Variants in COX16 observed in about 807,000 individuals in gnomAD.
COX16 encodes the protein cytochrome c oxidase assembly factor COX16, also known as cytochrome c oxidase assembly protein COX16 homolog, mitochondrial.
COX16 carries 12 observed loss-of-function variants against 15.4 expected under a neutral mutation model. The ratio of observed to expected loss-of-function variants is 0.78; its 90% confidence interval spans 0.50 to 1.26. The LOEUF (loss-of-function observed/expected upper bound fraction) is 1.26. COX16 is among the 50% of genes most tolerant of loss of function. The probability of loss-of-function intolerance (pLI) is 0.00; values close to 1 mark genes in which losing one functional copy is unlikely to be tolerated. For synonymous variants in COX16, 46 were observed against 41.1 expected (o/e 1.12, Z -0.46); for missense variants, 124 against 127.6 (o/e 0.97, Z 0.14).
At chr14:70,330,613 C>T (rs1164441338) in intron 2 of COX16, among the ~76,000 whole-genome samples, 1 of 152,102 alleles carries the variant, frequency 6.6e-6, no homozygotes. Flanking sequence ...GACAGCATAC[C>T]ATGATCAAGT....
At chr14:70,334,578 A>G (rs1886390567) in intron 2 of COX16, among the ~76,000 whole-genome samples, 1 of 152,282 alleles carries the variant, frequency 6.6e-6, no homozygotes, top group South Asian at 2.1e-4. Flanking sequence ...GTTAATGTGT[A>G]TAGGTTTTTA....
At chr14:70,339,401 T>G (rs1886557333) in intron 2 of COX16, among the ~76,000 whole-genome samples, 1 of 152,122 alleles carries the variant, frequency 6.6e-6, no homozygotes, top group Admixed American at 6.5e-5. Flanking sequence ...GAAGCAAGAT[T>G]TTTTTTTCCT....
chr14:70,341,042 A>G (rs575712078), intron 2 of COX16, among the ~76,000 whole-genome samples: 3 of 152,198 alleles, frequency 2.0e-5, no homozygotes, highest in Non-Finnish European at 4.4e-5. Context: ...TCTAACAAGT[A>G]TTAACACATG....
Position 70,326,360 on chromosome 14 carries a change from T to C in COX16, c.294A>G (p.Pro98=). The C allele has an allele frequency of 6.4e-7, 1 of 1,574,518 alleles. No individual in the cohort carries two copies. Among genetic ancestry groups the C allele is most frequent in the Non-Finnish European group, 8.6e-7 (1 of 1,160,398 alleles). Residue 98 remains proline, a synonymous_variant, in exon 4 of 4, where the codon CCA becomes CCG. Coordinates refer to ENST00000389912, the MANE Select transcript of COX16 (RefSeq NM_016468.7). ...AAGTTGTCTTAGTCTTAAGGCTTTC[T>C]GGATTTCTTCCTTGGAGGAGGTCAG... ...EDPDLLQGRN[P]ESLKTKTT
chr14:70,356,466 G>A (rs574348408), intron 1 of COX16, among the ~76,000 whole-genome samples: 1 of 152,226 alleles, frequency 6.6e-6, no homozygotes, highest in South Asian at 2.1e-4. Flanking sequence ...CCAGTCCGTG[G>A]CCCAGGGGTT....
intron 1 of COX16, among the ~76,000 whole-genome samples, chr14:70,354,063 A>G (rs1322881284): frequency 6.6e-6 from 1 of 152,026 alleles, no homozygotes; most frequent in Non-Finnish European, 1.5e-5. Context: ...TGTAATCCCA[A>G]CTACGCCGGA....
At chr14:70,335,065 A>G (rs2140698561) in intron 2 of COX16, among the ~76,000 whole-genome samples, 1 of 152,318 alleles carries the variant, frequency 6.6e-6, no homozygotes, top group Non-Finnish European at 1.5e-5. Context: ...TACTTATATC[A>G]GATAAAATAG....
intron 1 of COX16, among the ~76,000 whole-genome samples, chr14:70,346,639 G>A (rs187109781): frequency 1.1e-3 from 171 of 152,260 alleles, no homozygotes; most frequent in African/African-American, 3.9e-3. Context: ...CGCTTCATCC[G>A]AGCCAAGGGT....
intron 1 of COX16, among the ~76,000 whole-genome samples, chr14:70,351,186 ACT>A (rs1385282797): frequency 3.3e-5 from 5 of 152,058 alleles, no homozygotes; most frequent in Non-Finnish European, 5.9e-5. Context: ...CAATATAACC[ACT>A]GTTTCCAACT....
chr14:70,330,341 C>A (rs560196158), intron 2 of COX16, among the ~76,000 whole-genome samples: 2 of 152,154 alleles, frequency 1.3e-5, no homozygotes, highest in Admixed American at 1.3e-4. Context: ...AATAGACAAC[C>A]TGAATAGTTT....
intron 1 of COX16, among the ~76,000 whole-genome samples, chr14:70,353,178 T>C (rs1401260963): frequency 2.0e-5 from 3 of 150,666 alleles, no homozygotes; most frequent in Admixed American, 2.0e-4. Flanking sequence ...GGAGAATCGC[T>C]TGAATCTGGG....
At chr14:70,332,526 C>T (rs112561196) in intron 2 of COX16, among the ~76,000 whole-genome samples, 34 of 152,158 alleles carry the variant, frequency 2.2e-4, no homozygotes, top group African/African-American at 8.2e-4. Context: ...CCTCTCCTGC[C>T]ACAGTTGGGG....
Position 70,326,358 on chromosome 14 carries a change from T to C in COX16, c.296A>G (p.Glu99Gly). The C allele has an allele frequency of 6.4e-7, 1 of 1,572,948 alleles. No homozygotes were observed. Among genetic ancestry groups the C allele is most frequent in the Non-Finnish European group, 8.6e-7 (1 of 1,159,506 alleles). Residue 99 changes from glutamate to glycine, a missense_variant, in exon 4 of 4, where the codon GAA becomes GGA. Physicochemically the swap from Glu to Gly is moderately conservative, Grantham distance 98 (BLOSUM62 -2). Transcript: ENST00000389912. ...TCAAGTTGTCTTAGTCTTAAGGCTT[T>C]CTGGATTTCTTCCTTGGAGGAGGTC... ...DPDLLQGRNP[E>G]SLKTKTT
intron 3 of COX16, 140 bp downstream of exon 3, chr14:70,329,034 T>C (rs1020518466): frequency 1.6e-6 from 1 of 606,426 alleles, no homozygotes. Flanking sequence ...TCCATCTTTT[T>C]ATTTGCTTTT....
intron 1 of COX16, among the ~76,000 whole-genome samples, chr14:70,356,139 C>T (rs1887117502): frequency 6.9e-6 from 1 of 144,164 alleles, no homozygotes; most frequent in Non-Finnish European, 1.5e-5. Context: ...TTTATAGCAA[C>T]AGTGGTCCCC....
intron 2 of COX16, among the ~76,000 whole-genome samples, chr14:70,341,274 AC>A (rs1886616823): frequency 1.3e-5 from 2 of 152,208 alleles, no homozygotes; most frequent in African/African-American, 2.4e-5. Flanking sequence ...CATAGAAAGT[AC>A]ACATTTTTTT....
intron 3 of COX16, 72 bp downstream of exon 3, chr14:70,329,102 A>G: frequency 1.4e-6 from 2 of 1,450,494 alleles, no homozygotes; most frequent in Non-Finnish European, 9.3e-7. Flanking sequence ...TTTCTGTACT[A>G]CTAATACTTT....
chr14:70,351,258 C>G (rs1055705132), intron 1 of COX16, among the ~76,000 whole-genome samples: 2 of 152,158 alleles, frequency 1.3e-5, no homozygotes, highest in African/African-American at 4.8e-5. Context: ...TTTAAACATA[C>G]CACACTCTCC....
chr14:70,353,421 T>C (rs1318244240), intron 1 of COX16, among the ~76,000 whole-genome samples: 1 of 148,370 alleles, frequency 6.7e-6, no homozygotes, highest in Non-Finnish European at 1.5e-5. Flanking sequence ...CACATATATA[T>C]ACACACACAT....
Sources: allele counts gnomAD v4.1 joint callset (sites outside exome capture counted in the v4.1 genomes callset), GRCh38; gene constraint gnomAD v4.1.1; transcripts MANE v1.5; gene names NCBI Gene and HGNC (gene_info 2026-07-23, HGNC 2026-07-21).